Variants in FCHO1 observed in about 807,000 individuals in gnomAD.
FCHO1 encodes F-BAR domain only protein 1.
Under a neutral mutation model 114.4 loss-of-function variants are expected in FCHO1, and 45 were observed. The observed-to-expected ratio is 0.39, with a 90% CI of 0.31 to 0.50. The LOEUF is 0.50. Among genes scored for constraint, FCHO1 ranks in the 20% least tolerant of loss-of-function variants. FCHO1 has a pLI of 0.77. For synonymous variants in FCHO1, 480 were observed against 488.9 expected, an observed-to-expected ratio of 0.98 and a Z score of 0.24; for missense variants, 1,042 against 1,209.6, an observed-to-expected ratio of 0.86 and a Z score of 2.06.
rs891401113 is a variant in FCHO1, at chr19:17,787,858, C to T, written c.2647+12C>T. On this transcript the variant is annotated intron_variant, in intron 28 of 28. Coordinates refer to ENST00000596536, the MANE Select transcript of FCHO1 (RefSeq NM_015122.3). ...GAGGTTTGCCACAGGTACTCCCCAACCCTGCTGCTGGGTGACCTCAGGAGC... is the reference window on the plus strand; with the variant it reads ...GAGGTTTGCCACAGGTACTCCCCAATCCTGCTGCTGGGTGACCTCAGGAGC... The T allele has an allele frequency of 4.3e-6, 7 of 1,610,132 alleles. No individual in the cohort carries two copies. Among genetic ancestry groups the T allele is most frequent in the Non-Finnish European group, 5.9e-6 (7 of 1,178,030 alleles).
chr19:17,760,863 G>GT (rs1456714053), intron 4 of FCHO1, among the ~76,000 whole-genome samples: 2 of 152,028 alleles, frequency 1.3e-5, no homozygotes, highest in African/African-American at 4.8e-5. Flanking sequence ...TGGCCAGGCT[G>GT]GTCTCGAACT....
chr19:17,754,496 T>C (rs1363769), intron 2 of FCHO1, 96 bp from the exon 3 acceptor site: 134,564 of 153,392 alleles, frequency 0.88, 59,874 homozygotes, highest in Middle Eastern at 0.97. Context: ...AATCAGAAGA[T>C]CCCAGGGGAC....
chr19:17,783,870 C>G (rs2093645664), intron 24 of FCHO1, among the ~76,000 whole-genome samples: 1 of 152,192 alleles, frequency 6.6e-6, no homozygotes, highest in East Asian at 1.9e-4. Context: ...CATGAGCCAC[C>G]ACACCCAGCC....
At position 17,788,475 on chromosome 19, in the gene FCHO1, C is replaced by G. The variant is rs552257817; in HGVS notation, c.*169C>G. 1 of 590,938 alleles carries G rather than the reference C, an allele frequency of 1.7e-6. No individual in the cohort carries two copies. Among genetic ancestry groups the G allele is most frequent in the African/African-American group, 1.9e-5 (1 of 52,518 alleles). 36.6% of individuals were successfully genotyped at this position (590,938 alleles called of 1,614,324 possible). A position where few individuals can be genotyped will look rare whatever the true frequency, so the allele number is the denominator to read the frequency against. On this transcript the variant is annotated 3_prime_UTR_variant, in exon 29 of 29. Coordinates refer to ENST00000596536, the MANE Select transcript of FCHO1 (RefSeq NM_015122.3). ...GCTGAGCCCGAGATTCGCTCCTCCC[C>G]CTCATGCCAACCCCACACAGGTCCC...
intron 4 of FCHO1, among the ~76,000 whole-genome samples, chr19:17,761,720 G>C (rs537805743): frequency 6.6e-6 from 1 of 151,594 alleles, no homozygotes; most frequent in Admixed American, 6.6e-5. Context: ...GAGTGCAATG[G>C]CGTGATCTCG....
intron 7 of FCHO1, 143 bp downstream of exon 7, chr19:17,766,953 C>T (rs951161206): frequency 9.5e-6 from 9 of 944,980 alleles, no homozygotes; most frequent in African/African-American, 1.7e-5. Flanking sequence ...AGCCCAGGGT[C>T]TTACGGACCT....
At chr19:17,788,239 TACCCC>T in intron 28 of FCHO1, 40 bp from the exon 29 acceptor site, 6 of 961,416 alleles carry the variant, frequency 6.2e-6, no homozygotes, top group East Asian at 2.7e-5. Flanking sequence ...ACCCCTCCCG[TACCCC>T]TCCTCCCCAC....
intron 4 of FCHO1, among the ~76,000 whole-genome samples, chr19:17,758,104 A>G (rs1030083836): frequency 2.0e-5 from 3 of 151,874 alleles, no homozygotes; most frequent in Non-Finnish European, 4.4e-5. Context: ...AGTCCCAGCT[A>G]TTGAGGAGGC....
Position 17,783,615 on chromosome 19 carries a change from T to C in FCHO1, c.2093+443T>C, listed in dbSNP as rs760174169. ...ATTTTTTTGAGATGGAGTTTTGCTC[T>C]TGTTGCCCAGGCTGGAGTGCAGTGG... is the stretch of plus-strand genomic sequence containing the variant. On this transcript the variant is annotated intron_variant, in intron 24 of 28. Coordinates refer to ENST00000596536, the MANE Select transcript of FCHO1 (RefSeq NM_015122.3). Among the ~76,000 whole-genome samples the C allele has an allele frequency of 2.8e-5, 4 of 142,674 alleles. 1 individual carries two copies. The South Asian group carries it at 6.8e-4, about 24-fold the overall frequency. 93.6% of individuals were successfully genotyped at this position (142,674 alleles called of 152,430 possible). A position where few individuals can be genotyped will look rare whatever the true frequency, so the allele number is the denominator to read the frequency against.
In FCHO1 at chr19:17,772,628, C is replaced by T. The variant is rs762747824; in HGVS notation, c.694-17C>T. 2 of 1,613,846 alleles carry T rather than the reference C, an allele frequency of 1.2e-6. No individual in the cohort carries two copies. The highest frequency in any genetic ancestry group is 1.7e-6 in the Non-Finnish European group (2 of 1,179,778). On this transcript the variant is annotated splice_polypyrimidine_tract_variant and intron_variant, in intron 10 of 28. Coordinates refer to ENST00000596536, the MANE Select transcript of FCHO1 (RefSeq NM_015122.3). ...AAGGGGCCTTGACCAGTTACACACC[C>T]CGCCCACCCGGCACAGGTGCATGAG...
intron 13 of FCHO1, 87 bp downstream of exon 13, chr19:17,774,565 A>C: frequency 9.4e-7 from 1 of 1,062,708 alleles, no homozygotes; most frequent in Non-Finnish European, 1.4e-6. Context: ...CCCTCCTAGG[A>C]TAGCCCAGGA....
intron 26 of FCHO1, 26 bp from the exon 27 acceptor site, chr19:17,786,548 C>T: frequency 6.2e-7 from 1 of 1,610,390 alleles, no homozygotes; most frequent in Non-Finnish European, 8.5e-7. Context: ...CTGGGGAAGC[C>T]CTGATTAAGA....
chr19:17,770,383 G>A, intron 7 of FCHO1, 42 bp from the exon 8 acceptor site: 1 of 1,568,948 alleles, frequency 6.4e-7, no homozygotes, highest in Non-Finnish European at 8.7e-7. Context: ...GGGAGGTCAG[G>A]AATTTCACAG....
At chr19:17,772,787 G>A in intron 11 of FCHO1, 46 bp downstream of exon 11, 1 of 1,407,680 alleles carries the variant, frequency 7.1e-7, no homozygotes, top group Non-Finnish European at 1.0e-6. Flanking sequence ...GGCCACAGCT[G>A]CAGACAGGCA....
At chr19:17,778,954 C>A (rs762017177) in intron 20 of FCHO1, 70 bp downstream of exon 20, 3 of 1,429,484 alleles carry the variant, frequency 2.1e-6, no homozygotes, top group Non-Finnish European at 2.8e-6. Flanking sequence ...CTGCTTTGGG[C>A]AGGGCCTGAT....
At chr19:17,787,990 A>T in intron 28 of FCHO1, 144 bp downstream of exon 28, 1 of 1,055,776 alleles carries the variant, frequency 9.5e-7, no homozygotes, top group Non-Finnish European at 1.4e-6. Context: ...GATGGGGGGC[A>T]CAGGTGGGCA....
At chr19:17,774,115 G>C in intron 11 of FCHO1, 124 bp from the exon 12 acceptor site, 1 of 818,630 alleles carries the variant, frequency 1.2e-6, no homozygotes, top group Non-Finnish European at 2.1e-6. Flanking sequence ...CACCATGGTG[G>C]CCAGGCTGGT....
Position 17,775,525 on chromosome 19 carries a change from G to A in FCHO1, c.1003+12G>A. 1 of 1,613,250 alleles carries A rather than the reference G, an allele frequency of 6.2e-7. No homozygotes were observed. Among genetic ancestry groups the A allele is most frequent in the Non-Finnish European group, 8.5e-7 (1 of 1,179,446 alleles). On this transcript the variant is annotated intron_variant, in intron 15 of 28. Coordinates refer to ENST00000596536, the MANE Select transcript of FCHO1 (RefSeq NM_015122.3). The surrounding 1 kb of genome is among the most constrained non-coding windows in gnomAD (Gnocchi z 5.1). ...TGTGACCCAGAACAATATCCTTCTG[G>A]CACCCCCTGGGGGCAGTTGTTGGCA...
In FCHO1 at chr19:17,751,870, ACAGT is replaced by A. The variant is rs1303266630; in HGVS notation, c.-183+297_-183+300del. 6.6e-6 allele frequency among the ~76,000 whole-genome samples: 1 copy of A among 152,208 alleles called. No individual in the cohort carries two copies. Among genetic ancestry groups the A allele is most frequent in the East Asian group, 1.9e-4 (1 of 5,192 alleles). On this transcript the variant is annotated intron_variant, in intron 1 of 28. Coordinates refer to ENST00000596536, the MANE Select transcript of FCHO1 (RefSeq NM_015122.3). This position sits in a 1 kb window ranked among gnomAD's most constrained non-coding sequence, Gnocchi z 4.4. ...TGGCAGACAGACCAGGGGCAAAATC[ACAGT>A]CAGCCGGGACCAATGATTGATCTCT...
Sources: gnomAD v4.1 joint callset for allele counts (sites outside exome capture counted in the v4.1 genomes callset) on GRCh38, gnomAD v4.1.1 for gene constraint, Gnocchi (gnomAD v3.1) non-coding constraint, MANE v1.5 for transcripts, NCBI Gene and HGNC (gene_info 2026-07-23, HGNC 2026-07-21) for gene names.